Variants in KIAA1217 observed in about 807,000 individuals in gnomAD.
KIAA1217 encodes KIAA1217, also known as sickle tail protein homolog.
A neutral mutation model predicts 163.9 loss-of-function variants in KIAA1217; 88 were observed. That is an observed-to-expected ratio of 0.54 (90% CI 0.45 to 0.64). The LOEUF (loss-of-function observed/expected upper bound fraction) is 0.64. KIAA1217 is among the 30% of genes least tolerant of loss of function. The pLI is 0.00. For missense variants in KIAA1217, 2,372 were observed against 2,475.0 expected (o/e 0.96, Z 0.88); for synonymous variants, 903 against 923.1 (o/e 0.98, Z 0.39).
In KIAA1217 at chr10:24,545,876, C is replaced by T; in HGVS notation, c.5384C>T (p.Pro1795Leu). 6.2e-7 allele frequency: 1 copy of T among 1,612,988 alleles called. No homozygotes were observed. Among genetic ancestry groups the T allele is most frequent in the East Asian group, 2.2e-5 (1 of 44,880 alleles). Reference sequence around the variant, plus strand: ...GGTGGGGACTTTAAGCCTACTTCCCCCTCCTTACCTGCTTCTAAGATTCCA... The same window carrying T: ...GGTGGGGACTTTAAGCCTACTTCCCTCTCCTTACCTGCTTCTAAGATTCCA... ...KSGGDFKPTS[P>L]SLPASKIPAL... The change falls in exon 21 of 21, where the codon CCC becomes CTC. Residue 1795 changes from proline to leucine, a missense_variant. Pro to Leu is a moderately conservative substitution (Grantham distance 98). This residue lies in a region of KIAA1217 where 690 missense variants were observed against 677.5 expected (regional missense o/e 1.02). Transcript: ENST00000376454.
intron 2 of KIAA1217, among the ~76,000 whole-genome samples, chr10:24,285,530 G>A (rs370867590): frequency 4.5e-4 from 68 of 152,250 alleles, no homozygotes; most frequent in African/African-American, 1.6e-3. Context: ...GTTGCTGTGT[G>A]GCTTTATTTG....
At chr10:24,111,450 T>C (rs1485079535) in intron 2 of KIAA1217, among the ~76,000 whole-genome samples, 2 of 152,236 alleles carry the variant, frequency 1.3e-5, no homozygotes, top group Non-Finnish European at 2.9e-5. Context: ...TAGTGTCATT[T>C]TAGGTATTCA....
intron 2 of KIAA1217, among the ~76,000 whole-genome samples, chr10:24,376,556 A>T (rs1035010891): frequency 1.3e-5 from 2 of 152,206 alleles, no homozygotes; most frequent in African/African-American, 4.8e-5. Flanking sequence ...TAAGCTTAGG[A>T]GTTTGAGACC....
intron 1 of KIAA1217, among the ~76,000 whole-genome samples, chr10:23,841,488 A>G (rs993299470): frequency 1.3e-5 from 2 of 152,162 alleles, no homozygotes; most frequent in Non-Finnish European, 2.9e-5. Context: ...TGCAAAAGAC[A>G]TTATATATGG....
chr10:24,088,417 G>T (rs2061794386), intron 2 of KIAA1217, among the ~76,000 whole-genome samples: 1 of 115,966 alleles, frequency 8.6e-6, no homozygotes, highest in South Asian at 3.1e-4. Context: ...TTTACATTAG[G>T]TATATCTCCT....
intron 3 of KIAA1217, among the ~76,000 whole-genome samples, chr10:24,390,270 G>A (rs2054675829): frequency 6.6e-6 from 1 of 152,052 alleles, no homozygotes; most frequent in Non-Finnish European, 1.5e-5. Context: ...CTGGAGGCTT[G>A]GCAGGGAGCT....
intron 2 of KIAA1217, among the ~76,000 whole-genome samples, chr10:24,324,901 G>A (rs958976971): frequency 7.9e-5 from 12 of 152,004 alleles, no homozygotes; most frequent in African/African-American, 2.7e-4. Context: ...CCTATTCAGC[G>A]ACTGACTGTT....
chr10:24,147,862 A>AAAAAAAG (rs1564755588), intron 2 of KIAA1217, among the ~76,000 whole-genome samples: 1 of 143,534 alleles, frequency 7.0e-6, no homozygotes, highest in Non-Finnish European at 1.5e-5. Context: ...AAAAAAAAAA[A>AAAAAAAG]GAAAGAAAGA....
chr10:23,855,502 C>A (rs1344614248), intron 1 of KIAA1217, among the ~76,000 whole-genome samples: 1 of 152,108 alleles, frequency 6.6e-6, no homozygotes, highest in African/African-American at 2.4e-5. Flanking sequence ...CTTGGGGTTG[C>A]TCTTCTCGAG....
intron 1 of KIAA1217, among the ~76,000 whole-genome samples, chr10:23,891,821 GA>G (rs1441282224): frequency 2.5e-4 from 38 of 151,842 alleles, no homozygotes; most frequent in African/African-American, 7.5e-4. Context: ...TTTTAAAAAT[GA>G]AAAACCACAG....
chr10:23,784,394 C>G (rs1204314284), intron 1 of KIAA1217, among the ~76,000 whole-genome samples: 1 of 152,086 alleles, frequency 6.6e-6, no homozygotes, highest in African/African-American at 2.4e-5. Context: ...TACTCAGTCA[C>G]TCTGTGTCTT....
upstream of KIAA1217, among the ~76,000 whole-genome samples, chr10:24,208,015 G>A (rs1057467420): frequency 3.1e-4 from 47 of 150,694 alleles, no homozygotes; most frequent in Admixed American, 2.4e-3. Context: ...CTCCTGTGAC[G>A]GGGCTACTAC....
intron 1 of KIAA1217, among the ~76,000 whole-genome samples, chr10:23,717,005 T>A (rs572494359): frequency 2.6e-5 from 4 of 152,242 alleles, no homozygotes; most frequent in African/African-American, 9.6e-5. Flanking sequence ...TTCACTTATT[T>A]TAAGAAAATG....
chr10:23,826,052 C>G (rs762491825), intron 1 of KIAA1217, among the ~76,000 whole-genome samples: 2 of 152,098 alleles, frequency 1.3e-5, no homozygotes, highest in Non-Finnish European at 2.9e-5. Flanking sequence ...GTATGTTAAC[C>G]TCAGCCTCTG....
intron 1 of KIAA1217, among the ~76,000 whole-genome samples, chr10:23,760,077 A>T (rs555157207): frequency 6.6e-6 from 1 of 152,252 alleles, no homozygotes; most frequent in African/African-American, 2.4e-5. Context: ...TCTTGGGTTT[A>T]GGGAAGTTTT....
chr10:24,517,447 G>A (rs539402466), intron 10 of KIAA1217, among the ~76,000 whole-genome samples: 3 of 152,214 alleles, frequency 2.0e-5, no homozygotes, highest in Non-Finnish European at 4.4e-5. Flanking sequence ...ATTATCACAT[G>A]TACCCCAAAA....
intron 2 of KIAA1217, among the ~76,000 whole-genome samples, chr10:24,289,403 T>G (rs1409355533): frequency 6.6e-6 from 1 of 151,998 alleles, no homozygotes; most frequent in African/African-American, 2.4e-5. Flanking sequence ...TGGAAACAGT[T>G]GGTGGGTGGA....
chr10:23,874,125 G>A (rs80034822), intron 1 of KIAA1217, among the ~76,000 whole-genome samples: 1,989 of 152,004 alleles, frequency 0.013, 61 homozygotes, highest in African/African-American at 0.045. Context: ...ACCAAGTCAC[G>A]TTTTGTTTTT....
At chr10:24,232,736 T>C (rs1298546816) in intron 2 of KIAA1217, among the ~76,000 whole-genome samples, 1 of 152,110 alleles carries the variant, frequency 6.6e-6, no homozygotes, top group East Asian at 1.9e-4. Flanking sequence ...ATTTATTCAT[T>C]CTTCCTGCAG....
Sources: allele counts gnomAD v4.1 joint callset (sites outside exome capture counted in the v4.1 genomes callset), GRCh38; gene constraint gnomAD v4.1.1; regional missense constraint gnomAD v4.1.1; transcripts MANE v1.5; gene names NCBI Gene and HGNC (gene_info 2026-07-23, HGNC 2026-07-21).